The following FARS2 variants were observed in gnomAD, a reference collection of about 807,000 sequenced individuals.
The protein encoded by FARS2 is phenylalanine--tRNA ligase, mitochondrial.
A neutral mutation model predicts 46.4 loss-of-function variants in FARS2; 40 were observed. The ratio of observed to expected loss-of-function variants is 0.86; its 90% CI spans 0.67 to 1.12. FARS2 has a LOEUF of 1.12. FARS2 is among the 50% of genes most tolerant of loss of function. The pLI, the probability that FARS2 is intolerant of heterozygous loss-of-function variation, is 0.00. For synonymous variants in FARS2, 234 were observed against 214.9 expected (o/e 1.09, Z -0.78); for missense variants, 513 against 567.9 (o/e 0.90, Z 0.98).
chr6:5,445,938 G>A (rs1764159429), intron 4 of FARS2, among the ~76,000 whole-genome samples: 3 of 152,164 alleles, frequency 2.0e-5, no homozygotes, highest in South Asian at 4.1e-4. Context: ...GGTGGCTCAC[G>A]CCTGTAATCC....
chr6:5,602,582 G>A (rs929235709), intron 5 of FARS2, among the ~76,000 whole-genome samples: 7 of 139,040 alleles, frequency 5.0e-5, no homozygotes, highest in African/African-American at 1.0e-4. Flanking sequence ...AGGAGGCAGA[G>A]GTTGCAGTGA....
chr6:5,756,160 A>C (rs970023678), intron 6 of FARS2, among the ~76,000 whole-genome samples: 1 of 152,210 alleles, frequency 6.6e-6, no homozygotes, highest in Admixed American at 6.5e-5. Flanking sequence ...TCTAGGTTAC[A>C]ATAATGGATA....
At chr6:5,270,770 A>G (rs2773325) in intron 1 of FARS2, among the ~76,000 whole-genome samples, 2 of 152,012 alleles carry the variant, frequency 1.3e-5, no homozygotes, top group African/African-American at 4.8e-5. Flanking sequence ...CCACTTCTCC[A>G]GTCCCATGTC....
At chr6:5,437,928 T>G (rs917794794) in intron 4 of FARS2, among the ~76,000 whole-genome samples, 9 of 152,192 alleles carry the variant, frequency 5.9e-5, no homozygotes, top group Admixed American at 5.9e-4. Flanking sequence ...CCTTAGCATT[T>G]TTTATAGACC....
chr6:5,529,541 C>T (rs936278078), intron 4 of FARS2, among the ~76,000 whole-genome samples: 5 of 152,174 alleles, frequency 3.3e-5, no homozygotes, highest in East Asian at 1.9e-4. Context: ...CTCTTGACCT[C>T]GTGATCCACC....
At chr6:5,614,856 C>T (rs939881898) in intron 6 of FARS2, among the ~76,000 whole-genome samples, 3 of 152,194 alleles carry the variant, frequency 2.0e-5, no homozygotes, top group African/African-American at 4.8e-5. Context: ...CCTGAGCTCT[C>T]GCATGTTCAA....
At chr6:5,598,890 G>A (rs1411026985) in intron 5 of FARS2, among the ~76,000 whole-genome samples, 1 of 152,170 alleles carries the variant, frequency 6.6e-6, no homozygotes, top group Non-Finnish European at 1.5e-5. Context: ...ACAAGCCACT[G>A]GAAATCACGT....
At chr6:5,767,743 C>G (rs972501190) in intron 6 of FARS2, among the ~76,000 whole-genome samples, 1 of 152,164 alleles carries the variant, frequency 6.6e-6, no homozygotes, top group South Asian at 2.1e-4. Flanking sequence ...TGCCTCAGAA[C>G]AGTAACGGGT....
At chr6:5,557,611 T>G (rs963454130) in intron 5 of FARS2, among the ~76,000 whole-genome samples, 2 of 152,192 alleles carry the variant, frequency 1.3e-5, no homozygotes, top group African/African-American at 4.8e-5. Flanking sequence ...TCATGGCCTA[T>G]CGAGAAAGAT....
chr6:5,467,612 G>T (rs901371572), intron 4 of FARS2, among the ~76,000 whole-genome samples: 2 of 152,134 alleles, frequency 1.3e-5, no homozygotes, highest in Non-Finnish European at 2.9e-5. Context: ...CATGTTATAG[G>T]TGAACAATCT....
At chr6:5,351,827 C>CT (rs1464377940) in intron 1 of FARS2, among the ~76,000 whole-genome samples, 1 of 152,180 alleles carries the variant, frequency 6.6e-6, no homozygotes, top group Non-Finnish European at 1.5e-5. Context: ...CTGCACCATA[C>CT]TTTATTGCAG....
At chr6:5,722,487 G>C (rs1437875890) in intron 6 of FARS2, among the ~76,000 whole-genome samples, 2 of 152,218 alleles carry the variant, frequency 1.3e-5, no homozygotes, top group Non-Finnish European at 2.9e-5. Flanking sequence ...GCCCTGAAAG[G>C]CTGCGGAGGC....
intron 2 of FARS2, among the ~76,000 whole-genome samples, chr6:5,385,524 C>G (rs6914496): frequency 1.3e-5 from 2 of 151,530 alleles, no homozygotes; most frequent in African/African-American, 4.9e-5. Flanking sequence ...CAGGTTCAAG[C>G]GATTCTTCTG....
chr6:5,460,225 C>T (rs11964868), intron 4 of FARS2, among the ~76,000 whole-genome samples: 5,217 of 152,260 alleles, frequency 0.034, 275 homozygotes, highest in African/African-American at 0.12. Flanking sequence ...ATTGCCTGAA[C>T]TGACTCTCAA....
chr6:5,500,324 A>G (rs1582281886), intron 4 of FARS2, among the ~76,000 whole-genome samples: 2 of 152,202 alleles, frequency 1.3e-5, no homozygotes, highest in African/African-American at 2.4e-5. Flanking sequence ...GGAGGCTGGG[A>G]AAGTACTCAT....
At chr6:5,661,906 A>G (rs527765709) in intron 6 of FARS2, among the ~76,000 whole-genome samples, 50 of 152,332 alleles carry the variant, frequency 3.3e-4, no homozygotes, top group African/African-American at 1.1e-3. Context: ...AGAGGTAACT[A>G]TATAAGAGAG....
At chr6:5,468,368 G>T (rs200328184) in intron 4 of FARS2, among the ~76,000 whole-genome samples, 7 of 143,110 alleles carry the variant, frequency 4.9e-5, no homozygotes, top group Non-Finnish European at 9.0e-5. Flanking sequence ...AAAAAAAAAA[G>T]AAAGAAAAAA....
intron 5 of FARS2, among the ~76,000 whole-genome samples, chr6:5,561,447 A>T (rs1157692406): frequency 6.6e-6 from 1 of 152,150 alleles, no homozygotes; most frequent in Non-Finnish European, 1.5e-5. Context: ...AACAAGGCAT[A>T]ACATTCTGGA....
At chr6:5,395,389 TC>T (rs1238545153) in intron 2 of FARS2, among the ~76,000 whole-genome samples, 1 of 152,110 alleles carries the variant, frequency 6.6e-6, no homozygotes. Context: ...AGTAAATACT[TC>T]CTTTTATTAC....
Sources: gnomAD v4.1 joint callset for allele counts (sites outside exome capture counted in the v4.1 genomes callset) on GRCh38, gnomAD v4.1.1 for gene constraint, MANE v1.5 for transcripts, NCBI Gene and HGNC (gene_info 2026-07-23, HGNC 2026-07-21) for gene names.